The following ACAD9 variants were observed in gnomAD, a reference collection of about 807,000 sequenced individuals.
The protein encoded by ACAD9 is complex I assembly factor ACAD9, mitochondrial.
In ACAD9, 53 loss-of-function variants were observed where a neutral mutation model predicts 70.2. That is an observed-to-expected ratio of 0.75 (90% CI 0.61 to 0.95). ACAD9 has a LOEUF of 0.95. Among genes scored for constraint, ACAD9 ranks in the 40% least tolerant of loss-of-function variants. The pLI is 0.00. For synonymous variants in ACAD9, 313 were observed against 312.1 expected (o/e 1.00, Z -0.03); for missense variants, 777 against 802.8 (o/e 0.97, Z 0.39).
At chr3:128,899,246 AG>A (rs766307635) in intron 6 of ACAD9, 40 bp from the exon 7 acceptor site, 12 of 1,608,352 alleles carry the variant, frequency 7.5e-6, no homozygotes, top group Non-Finnish European at 1.0e-5. Flanking sequence ...TGGGTCACAT[AG>A]GGGTTTGGTT....
At position 128,879,620 on chromosome 3, in the gene ACAD9, A is replaced by G. The variant is rs764980895; in HGVS notation, c.-72A>G. 6.4e-7 allele frequency: 1 copy of G among 1,560,830 alleles called. No homozygotes were observed. Among genetic ancestry groups the G allele is most frequent in the Admixed American group, 1.7e-5 (1 of 57,836 alleles). On this transcript the variant is annotated 5_prime_UTR_variant, in exon 1 of 18. Transcript: ENST00000308982. ...CACGTTGTCGCGGGCCAGTAACGTCATCAGACGTGTGTGTGTCCCTGCGGC... is the reference window on the plus strand; with the variant it reads ...CACGTTGTCGCGGGCCAGTAACGTCGTCAGACGTGTGTGTGTCCCTGCGGC...
chr3:128,908,405 C>T, intron 13 of ACAD9, 141 bp downstream of exon 13: 1 of 1,027,372 alleles, frequency 9.7e-7, no homozygotes, highest in Non-Finnish European at 1.5e-6. Flanking sequence ...GGGGACCTTC[C>T]CCTGTGGTAG....
chr3:128,903,649 T>C (rs2107657377), intron 9 of ACAD9, among the ~76,000 whole-genome samples: 1 of 152,358 alleles, frequency 6.6e-6, no homozygotes, highest in Non-Finnish European at 1.5e-5. Flanking sequence ...CCTGCTTTGG[T>C]CACTGCACGG....
intron 6 of ACAD9, chr3:128,898,406 T>G (rs79398737): frequency 0.018 from 7,960 of 452,794 alleles, 465 homozygotes; most frequent in African/African-American, 0.14. Context: ...TAAAAATTGA[T>G]AATTTCTCTT....
At position 128,906,402 on chromosome 3, in the gene ACAD9, C is replaced by T. The variant is rs7652295; in HGVS notation, c.1278+153C>T. On this transcript the variant is annotated intron_variant, in intron 12 of 17. Coordinates refer to ENST00000308982, the MANE Select transcript of ACAD9 (RefSeq NM_014049.5). Reference sequence around the variant, plus strand: ...TAGCCCTGGCACGTCTCCTTCCCGACTGCTGCCCTCCATGAAGTCACAAGC... The same window carrying T: ...TAGCCCTGGCACGTCTCCTTCCCGATTGCTGCCCTCCATGAAGTCACAAGC... 0.048 allele frequency among the ~76,000 whole-genome samples: 7,252 copies of T among 152,230 alleles called. 353 individuals are homozygous for T. The highest frequency in any genetic ancestry group is 0.12 in the African/African-American group (4,853 of 41,532).
At chr3:128,893,407 G>A in intron 2 of ACAD9, 148 bp from the exon 3 acceptor site, 1 of 654,746 alleles carries the variant, frequency 1.5e-6, no homozygotes. Flanking sequence ...TTGAACACAG[G>A]CCAAATGACC....
intron 16 of ACAD9, chr3:128,910,399 A>G (rs1936145022): frequency 4.2e-6 from 6 of 1,419,054 alleles, no homozygotes; most frequent in Non-Finnish European, 4.6e-6. Context: ...AGCAAGGGAC[A>G]GACCCTGCAC....
In ACAD9 at chr3:128,897,673, G is replaced by A; in HGVS notation, c.596G>A (p.Ser199Asn). ...AASIRSRATL[S>N]EDKKHYILNG... ...TCAATCCGGAGCAGAGCCACACTAA[G>A]TGAAGACAAGAAGCACTACATCCTC... is the stretch of plus-strand genomic sequence containing the variant. Residue 199 changes from serine (S) to asparagine (N), a missense_variant, in exon 6 of 18, where the codon AGT becomes AAT. By Grantham distance (46) the Ser-to-Asn change is conservative (BLOSUM62 1). Transcript: ENST00000308982. 6.2e-7 allele frequency: 1 copy of A among 1,613,940 alleles called. No homozygotes were observed.
intron 13 of ACAD9, chr3:128,908,718 CCTT>C: frequency 1.7e-6 from 1 of 585,052 alleles, no homozygotes. Flanking sequence ...CATTTTGTCT[CCTT>C]CACAGGAGAC....
intron 9 of ACAD9, 43 bp from the exon 10 acceptor site, chr3:128,904,019 C>T: frequency 6.3e-7 from 1 of 1,598,794 alleles, no homozygotes. Flanking sequence ...GTTTGAACCA[C>T]AGAAATATTC....
At position 128,910,895 on chromosome 3, in the gene ACAD9, A is replaced by G. The variant is rs1324790895; in HGVS notation, c.1765+82A>G. The G allele has an allele frequency of 5.3e-6, 8 of 1,508,082 alleles. 1 individual carries two copies. In the East Asian group the frequency reaches 1.1e-4, roughly 21 times the overall value. 93.4% of individuals were successfully genotyped at this position (1,508,082 alleles called of 1,614,324 possible). On this transcript the variant is annotated intron_variant, in intron 17 of 17. Coordinates refer to ENST00000308982, the MANE Select transcript of ACAD9 (RefSeq NM_014049.5). ...TGGTGAGCTGTTTCTGGACCCTGTCAAGCTCCCAGAGCCTGCTAGCTACTC... is the reference window on the plus strand; with the variant it reads ...TGGTGAGCTGTTTCTGGACCCTGTCGAGCTCCCAGAGCCTGCTAGCTACTC...
intron 4 of ACAD9, 118 bp downstream of exon 4, chr3:128,895,534 T>C (rs1935546873): frequency 2.2e-6 from 2 of 910,330 alleles, no homozygotes; most frequent in Admixed American, 4.0e-5. Flanking sequence ...CCTTCAGCCC[T>C]GCCCTTCAGT....
intron 4 of ACAD9, 147 bp downstream of exon 4, chr3:128,895,563 C>T (rs1935547520): frequency 1.3e-6 from 1 of 761,934 alleles, no homozygotes; most frequent in East Asian, 2.7e-5. Flanking sequence ...TCTGGCCACA[C>T]CTCATGGTGC....
intron 2 of ACAD9, among the ~76,000 whole-genome samples, chr3:128,890,101 C>T (rs1033532095): frequency 6.6e-6 from 1 of 152,096 alleles, no homozygotes; most frequent in Admixed American, 6.5e-5. Context: ...GTTGGGATTA[C>T]AGGTATGAAC....
chr3:128,902,652 C>A lies in ACAD9; in HGVS notation c.958+24C>A. On this transcript the variant is annotated intron_variant, in intron 9 of 17. Transcript: ENST00000308982. This position sits in a 1 kb window ranked among gnomAD's most constrained non-coding sequence, Gnocchi z 4.0. ...TGGTAGGTAAGTTAGGGACAAGGCC[C>A]TTTGTGCCCCACCCCCTGCTGCCCC... The A allele has an allele frequency of 6.2e-7, 1 of 1,613,118 alleles. No individual in the cohort carries two copies. The highest frequency in any genetic ancestry group is 1.7e-4 in the Middle Eastern group (1 of 6,056).
At chr3:128,903,325 G>C (rs923897016) in intron 9 of ACAD9, among the ~76,000 whole-genome samples, 4 of 152,190 alleles carry the variant, frequency 2.6e-5, no homozygotes, top group Non-Finnish European at 4.4e-5. Context: ...ACTCAGAGAG[G>C]GCAAGCGATT....
chr3:128,889,698 T>C (rs1450129425), intron 2 of ACAD9, among the ~76,000 whole-genome samples: 4 of 152,260 alleles, frequency 2.6e-5, no homozygotes, highest in Non-Finnish European at 5.9e-5. Context: ...TTTTTAATGC[T>C]GAGTCATATT....
chr3:128,895,284 G>A (rs1371293745), intron 3 of ACAD9, 26 bp from the exon 4 acceptor site: 1 of 1,573,594 alleles, frequency 6.4e-7, no homozygotes, highest in Non-Finnish European at 8.7e-7. Flanking sequence ...GCTGGGCTGT[G>A]ATTGACGCTG....
At chr3:128,882,681 T>A (rs2107639471) in intron 1 of ACAD9, among the ~76,000 whole-genome samples, 1 of 152,358 alleles carries the variant, frequency 6.6e-6, no homozygotes, top group East Asian at 1.9e-4. Flanking sequence ...GTTTTCCCTA[T>A]CAGCAGTCTC....
Sources: allele counts gnomAD v4.1 joint callset (sites outside exome capture counted in the v4.1 genomes callset), GRCh38; gene constraint gnomAD v4.1.1; non-coding constraint Gnocchi (gnomAD v3.1); transcripts MANE v1.5; gene names NCBI Gene and HGNC (gene_info 2026-07-23, HGNC 2026-07-21).